ERI1: variants seen among roughly 807,000 people sequenced by gnomAD.
The protein encoded by ERI1 is exoribonuclease 1.
A neutral mutation model predicts 39.7 loss-of-function variants in ERI1; 39 were observed. The observed-to-expected ratio is 0.98, with a 90% CI of 0.76 to 1.28. The LOEUF is 1.28. Among genes scored for constraint, ERI1 ranks in the 50% most tolerant of loss-of-function variants. The pLI is 0.00. For synonymous variants in ERI1, 204 were observed against 149.6 expected (o/e 1.36, Z -2.65); for missense variants, 581 against 416.9 (o/e 1.39, Z -3.43).
chr8:9,011,793 A>C lies in ERI1; in HGVS notation c.498+41A>C, dbSNP rs751980629. 5 of 1,470,154 alleles carry C rather than the reference A, an allele frequency of 3.4e-6. No individual in the cohort carries two copies. The South Asian group carries it at 6.1e-5, about 18-fold the overall frequency. The allele number at this position is 1,470,154 out of a possible 1,614,324, so 91.1% of individuals were successfully genotyped here. ...TATTTTAATTGTATTTCTAGCAGCA[A>C]CTATTCTGGTGTTTACTGGTTATGT... On this transcript the variant is annotated intron_variant, in intron 3 of 6. Coordinates refer to ENST00000250263, the MANE Select transcript of ERI1 (RefSeq NM_153332.4).
chr8:9,016,731 G>A (rs1458287436), intron 4 of ERI1, among the ~76,000 whole-genome samples: 10 of 152,160 alleles, frequency 6.6e-5, no homozygotes, highest in Admixed American at 6.5e-4. Flanking sequence ...TGTCACCCAG[G>A]CTTGAGTACA....
chr8:9,049,775 C>G (rs1798299214), intron 3 of ERI1: 1 of 152,108 alleles, frequency 6.6e-6, no homozygotes, highest in Non-Finnish European at 1.5e-5. Context: ...ACTAGCCCTC[C>G]CAAAGGCCGG....
intron 6 of ERI1, among the ~76,000 whole-genome samples, chr8:9,024,724 C>T (rs1384258238): frequency 6.6e-6 from 1 of 152,134 alleles, no homozygotes; most frequent in Non-Finnish European, 1.5e-5. Flanking sequence ...CAGGCCCAGC[C>T]TCTTTATGTT....
At chr8:9,023,435 T>G (rs1009892139) in intron 6 of ERI1, among the ~76,000 whole-genome samples, 1 of 152,164 alleles carries the variant, frequency 6.6e-6, no homozygotes, top group Non-Finnish European at 1.5e-5. Context: ...TAATTTTCAG[T>G]CAGTTATGCA....
chr8:9,093,060 A>G (rs946842092), intron 3 of ERI1, among the ~76,000 whole-genome samples: 2 of 152,168 alleles, frequency 1.3e-5, no homozygotes, highest in Non-Finnish European at 2.9e-5. Flanking sequence ...CGCTTTTTAT[A>G]AGGACATCAG....
chr8:9,083,124 C>A (rs1488629727), intron 3 of ERI1, among the ~76,000 whole-genome samples: 1 of 152,182 alleles, frequency 6.6e-6, no homozygotes, highest in Non-Finnish European at 1.5e-5. Flanking sequence ...TAGAAAAGCC[C>A]AGCCAAACAG....
At chr8:9,007,399 A>T (rs1816135770) in intron 1 of ERI1, among the ~76,000 whole-genome samples, 1 of 152,230 alleles carries the variant, frequency 6.6e-6, no homozygotes, top group African/African-American at 2.4e-5. Context: ...CACATGTATA[A>T]TGTAAAAGTT....
chr8:9,067,908 G>A (rs1388116833), intron 3 of ERI1, among the ~76,000 whole-genome samples: 1 of 149,270 alleles, frequency 6.7e-6, no homozygotes, highest in East Asian at 1.9e-4. Flanking sequence ...TGAGCACAGA[G>A]AGTTATGCTA....
At chr8:9,088,551 A>G (rs1799602989) in intron 3 of ERI1, 1 of 152,128 alleles carries the variant, frequency 6.6e-6, no homozygotes, top group African/African-American at 2.4e-5. Flanking sequence ...CGTTTGTGTA[A>G]ACTGCTGGGA....
chr8:9,007,715 C>A (rs2117181679), intron 1 of ERI1, among the ~76,000 whole-genome samples: 1 of 152,214 alleles, frequency 6.6e-6, no homozygotes, highest in East Asian at 1.9e-4. Flanking sequence ...CTCCCACCAC[C>A]AGTCTTCTTT....
chr8:9,049,315 G>A (rs938868078), intron 3 of ERI1, among the ~76,000 whole-genome samples: 10 of 108,256 alleles, frequency 9.2e-5, no homozygotes, highest in African/African-American at 2.5e-4. Context: ...CAGCCTGGGC[G>A]ACAGAGTGAG....
At position 9,006,584 on chromosome 8, in the gene ERI1, GA is replaced by G. The variant is rs528128110; in HGVS notation, c.109-1385del. ...ATTCAATGTAAATTTAAAGTCAAAA[GA>G]TAATTTTTTGTAAAATTCTGGTCAA... On this transcript the variant is annotated intron_variant, in intron 1 of 6. Transcript: ENST00000250263. 2.3e-3 allele frequency among the ~76,000 whole-genome samples: 348 copies of G among 152,280 alleles called. 1 individual carries two copies. Among genetic ancestry groups the G allele is most frequent in the Non-Finnish European group, 3.9e-3 (267 of 68,004 alleles).
intron 5 of ERI1, among the ~76,000 whole-genome samples, chr8:9,019,222 C>T (rs1352280024): frequency 6.6e-6 from 1 of 152,136 alleles, no homozygotes; most frequent in South Asian, 2.1e-4. Context: ...TACCTTAAGG[C>T]CATTAAGGTT....
intron 3 of ERI1, among the ~76,000 whole-genome samples, chr8:9,013,334 A>T (rs901239467): frequency 6.6e-6 from 1 of 151,760 alleles, no homozygotes; most frequent in Admixed American, 6.6e-5. Context: ...TAAAAAAAAA[A>T]AAAAAAAAAA....
chr8:9,077,982 C>CT (rs1174047399), intron 3 of ERI1, among the ~76,000 whole-genome samples: 2 of 152,052 alleles, frequency 1.3e-5, no homozygotes, highest in African/African-American at 4.8e-5. Context: ...TCCAGCCTAT[C>CT]TTTTTTTCTT....
chr8:9,052,555 A>G (rs888680078), intron 3 of ERI1, among the ~76,000 whole-genome samples: 2 of 152,176 alleles, frequency 1.3e-5, no homozygotes, highest in African/African-American at 2.4e-5. Context: ...ATCAAGGAAC[A>G]TGCTAGGTGC....
intron 3 of ERI1, among the ~76,000 whole-genome samples, chr8:9,081,614 C>T (rs866900403): frequency 2.6e-5 from 4 of 152,060 alleles, no homozygotes; most frequent in Non-Finnish European, 4.4e-5. Context: ...TCTCAGAATT[C>T]TTGTCTTCCC....
intron 3 of ERI1, among the ~76,000 whole-genome samples, chr8:9,070,465 G>T (rs1210356165): frequency 7.9e-5 from 12 of 152,112 alleles, no homozygotes; most frequent in Non-Finnish European, 1.8e-4. Context: ...TCCAGCCTGG[G>T]CAACAGAATA....
At chr8:9,039,497 G>T (rs947127819) in intron 3 of ERI1, among the ~76,000 whole-genome samples, 1 of 152,260 alleles carries the variant, frequency 6.6e-6, no homozygotes, top group East Asian at 1.9e-4. Flanking sequence ...TTTTGTAAAT[G>T]ATTAGTGAAA....
Sources: allele counts gnomAD v4.1 joint callset (sites outside exome capture counted in the v4.1 genomes callset), GRCh38; gene constraint gnomAD v4.1.1; transcripts MANE v1.5; gene names NCBI Gene and HGNC (gene_info 2026-07-23, HGNC 2026-07-21).